ANO2: variants seen among roughly 807,000 people sequenced by gnomAD.
ANO2 encodes anoctamin-2.
A neutral mutation model predicts 124.2 loss-of-function variants in ANO2; 101 were observed. The observed-to-expected ratio is 0.81, with a 90% confidence interval of 0.69 to 0.96. The LOEUF is 0.96. ANO2 is among the 40% of genes least tolerant of loss of function. The probability of loss-of-function intolerance (pLI) is 0.00; values close to 1 mark genes in which losing one functional copy is unlikely to be tolerated. For missense variants in ANO2, 1,293 were observed against 1,274.5 expected (o/e 1.01, Z -0.22); for synonymous variants, 486 against 482.5 (o/e 1.01, Z -0.09).
chr12:5,912,475 T>C (rs1377772712), intron 3 of ANO2, among the ~76,000 whole-genome samples: 1 of 152,168 alleles, frequency 6.6e-6, no homozygotes, highest in African/African-American at 2.4e-5. Flanking sequence ...AGGAGAATGC[T>C]GAAGGTTAAT....
chr12:5,716,997 C>A (rs1215435770), intron 14 of ANO2, among the ~76,000 whole-genome samples: 1 of 152,182 alleles, frequency 6.6e-6, no homozygotes, highest in Non-Finnish European at 1.5e-5. Flanking sequence ...CTGGAAAAAC[C>A]TGAGAAGTAT....
chr12:5,932,938 G>A (rs1265435783), intron 1 of ANO2, among the ~76,000 whole-genome samples: 2 of 152,168 alleles, frequency 1.3e-5, no homozygotes, highest in African/African-American at 4.8e-5. Context: ...AGGAGGAAAG[G>A]AGACTCCAGG....
intron 4 of ANO2, among the ~76,000 whole-genome samples, chr12:5,842,680 A>T (rs1328280016): frequency 6.6e-6 from 1 of 152,134 alleles, no homozygotes; most frequent in Non-Finnish European, 1.5e-5. Context: ...AACGGTTTAG[A>T]TTAACTTGCT....
chr12:5,717,127 C>T (rs1950052275), intron 14 of ANO2, among the ~76,000 whole-genome samples: 1 of 152,258 alleles, frequency 6.6e-6, no homozygotes, highest in Non-Finnish European at 1.5e-5. Flanking sequence ...TCAGCTCAGG[C>T]TGTGCTGCAG....
chr12:5,727,402 CA>C (rs1251502154), intron 14 of ANO2, among the ~76,000 whole-genome samples: 3 of 151,750 alleles, frequency 2.0e-5, no homozygotes. Flanking sequence ...CCTACAGAAC[CA>C]TGAGCCAATT....
intron 3 of ANO2, 117 bp from the exon 4 acceptor site, chr12:5,854,258 T>C: frequency 1.1e-6 from 1 of 907,416 alleles, no homozygotes; most frequent in Non-Finnish European, 1.7e-6. Context: ...TTTCTCGTTT[T>C]CGTTCTCTTT....
rs188881637 is a variant in ANO2 at position 5,922,798 on chromosome 12, G to A, written c.29C>T (p.Pro10Leu). Residue 10 changes from proline to leucine, a missense_variant, in exon 2 of 25, where the codon CCC becomes CTC. Coordinates refer to ENST00000682330, the MANE Select transcript of ANO2 (RefSeq NM_001364791.2). MATPGPRDI[P>L]LLPGSPRRLS... ...CCGGCGTGGGGAGCCAGGGAGCAGG[G>A]GTATATCTGTGAGAGGGAAAGACAA... 4.8e-4 allele frequency: 718 copies of A among 1,503,238 alleles called. 2 individuals are homozygous for A. In the African/African-American group the frequency reaches 9.5e-3, roughly 20 times the overall value. The allele number at this position is 1,503,238 out of a possible 1,614,324, so 93.1% of individuals were successfully genotyped here. A position where few individuals can be genotyped will look rare whatever the true frequency, so the allele number is the denominator to read the frequency against.
intron 7 of ANO2, among the ~76,000 whole-genome samples, chr12:5,819,944 A>C (rs1009012531): frequency 6.6e-6 from 1 of 152,132 alleles, no homozygotes; most frequent in African/African-American, 2.4e-5. Flanking sequence ...ACTTATGTAG[A>C]GCTCTGGCAT....
chr12:5,696,451 T>C lies in ANO2; in HGVS notation c.1545+36069A>G, dbSNP rs116259832. Among the ~76,000 whole-genome samples, 732 of 152,144 alleles carry C rather than the reference T, an allele frequency of 4.8e-3. 4 individuals are homozygous for C. The highest frequency in any genetic ancestry group is 0.017 in the African/African-American group (699 of 41,522). On this transcript the variant is annotated intron_variant, in intron 14 of 24. Coordinates refer to ENST00000682330, the MANE Select transcript of ANO2 (RefSeq NM_001364791.2). Reference sequence around the variant, plus strand: ...CAAGAAGAAAATGAAAACATGAATATAACAAAACCACTAAAAAAAAGCCTG... The same window carrying C: ...CAAGAAGAAAATGAAAACATGAATACAACAAAACCACTAAAAAAAAGCCTG...
rs547151735 is a variant in ANO2 at position 5,710,508 on chromosome 12, T to C, written c.1545+22012A>G. On this transcript the variant is annotated intron_variant, in intron 14 of 24. Coordinates refer to ENST00000682330, the MANE Select transcript of ANO2 (RefSeq NM_001364791.2). Reference sequence around the variant, plus strand: ...GGGAGACCTCAAAGAATGGAGGCAGTGGTTAAACAGGAGCTGGAAGTCTCT... The same window carrying C: ...GGGAGACCTCAAAGAATGGAGGCAGCGGTTAAACAGGAGCTGGAAGTCTCT... Among the ~76,000 whole-genome samples the C allele has an allele frequency of 1.9e-3, 294 of 152,342 alleles. 1 individual carries two copies. Among genetic ancestry groups the C allele is most frequent in the African/African-American group, 6.8e-3 (282 of 41,574 alleles).
chr12:5,817,221 CT>C (rs1350948123), intron 7 of ANO2, among the ~76,000 whole-genome samples: 1 of 152,198 alleles, frequency 6.6e-6, no homozygotes, highest in Non-Finnish European at 1.5e-5. Flanking sequence ...CTTATTTCAT[CT>C]TTACAAAAAC....
At chr12:5,922,866 AG>A in intron 1 of ANO2, 62 bp from the exon 2 acceptor site, 1 of 1,414,478 alleles carries the variant, frequency 7.1e-7, no homozygotes, top group South Asian at 1.5e-5. Context: ...CAAGACACTG[AG>A]GTACTGAGTG....
rs753762408 is a variant in ANO2 at position 5,750,965 on chromosome 12, T to C, written c.1061A>G (p.Tyr354Cys). 6.3e-7 allele frequency: 1 copy of C among 1,595,524 alleles called. No individual in the cohort carries two copies. Among genetic ancestry groups the C allele is most frequent in the African/African-American group, 1.3e-5 (1 of 74,382 alleles). The change falls in exon 11 of 25, where the codon TAT becomes TGT. Residue 354 changes from tyrosine (Y) to cysteine (C), a missense_variant. Coordinates refer to ENST00000682330, the MANE Select transcript of ANO2 (RefSeq NM_001364791.2). ...KFQPIDLIRKYFGEKIGLYFA... is the reference protein window; with the variant it reads ...KFQPIDLIRKCFGEKIGLYFA... Reference sequence around the variant, plus strand: ...ATACAGTCCAATTTTTTCTCCAAAATACTTTCTGGAAAAGAAAGAAAAGAA... The same window carrying C: ...ATACAGTCCAATTTTTTCTCCAAAACACTTTCTGGAAAAGAAAGAAAAGAA...
At chr12:5,783,324 G>C (rs561499433) in intron 10 of ANO2, among the ~76,000 whole-genome samples, 1 of 152,114 alleles carries the variant, frequency 6.6e-6, no homozygotes, top group East Asian at 1.9e-4. Flanking sequence ...TACCCAGATG[G>C]GCATCAGTTG....
chr12:5,581,198 T>C (rs1222396483), intron 20 of ANO2, among the ~76,000 whole-genome samples: 1 of 152,190 alleles, frequency 6.6e-6, no homozygotes, highest in Non-Finnish European at 1.5e-5. Context: ...AGTGTATGGA[T>C]GGATGTATAT....
At chr12:5,574,975 C>T (rs1322639956) in intron 23 of ANO2, among the ~76,000 whole-genome samples, 1 of 152,152 alleles carries the variant, frequency 6.6e-6, no homozygotes, top group Non-Finnish European at 1.5e-5. Context: ...TTTACTGTGT[C>T]TCCTTGCTAA....
rs987747017 is a variant in ANO2, at chr12:5,924,610, G to T, written c.23-1806C>A. Among the ~76,000 whole-genome samples, 3 of 152,222 alleles carry T rather than the reference G, an allele frequency of 2.0e-5. No homozygotes were observed. In the East Asian group the frequency reaches 5.8e-4, roughly 29 times the overall value. ...AAATATTAAGCCGAAAGCTGAGTCA[G>T]GCAAGACGCTGCCTTTCCTTTTGTT... is the stretch of plus-strand genomic sequence containing the variant. On this transcript the variant is annotated intron_variant, in intron 1 of 24. Transcript: ENST00000682330.
intron 19 of ANO2, among the ~76,000 whole-genome samples, chr12:5,602,549 C>T (rs187449718): frequency 9.2e-5 from 14 of 152,250 alleles, no homozygotes; most frequent in Middle Eastern, 3.4e-3. Context: ...CCACCACACC[C>T]GGCCTGAAAC....
chr12:5,748,870 C>CAA (rs60191649), intron 11 of ANO2, among the ~76,000 whole-genome samples: 6 of 101,646 alleles, frequency 5.9e-5, no homozygotes, highest in African/African-American at 1.6e-4. Flanking sequence ...CTTCACCCTC[C>CAA]AAAAAAAAAA....
Sources: gnomAD v4.1 joint callset for allele counts (sites outside exome capture counted in the v4.1 genomes callset) on GRCh38, gnomAD v4.1.1 for gene constraint, MANE v1.5 for transcripts, NCBI Gene and HGNC (gene_info 2026-07-23, HGNC 2026-07-21) for gene names.